OC90: variants seen among roughly 807,000 people sequenced by gnomAD.
The protein encoded by OC90 is otoconin-90.
OC90 carries 46 observed loss-of-function variants against 47.3 expected under a neutral mutation model. The ratio of observed to expected loss-of-function variants is 0.97; its 90% confidence interval spans 0.77 to 1.24. The LOEUF is 1.24. OC90 is among the 50% of genes most tolerant of loss of function. The pLI is 0.00. For synonymous variants in OC90, 271 were observed against 219.5 expected, an observed-to-expected ratio of 1.23 and a Z score of -2.07; for missense variants, 688 against 583.9, an observed-to-expected ratio of 1.18 and a Z score of -1.84.
intron 1 of OC90, among the ~76,000 whole-genome samples, chr8:132,057,323 GT>G (rs1823290357): frequency 6.6e-6 from 1 of 150,730 alleles, no homozygotes; most frequent in Non-Finnish European, 1.5e-5. Context: ...TGTGACACAT[GT>G]TTCAGGGGTG....
chr8:132,029,316 A>G, intron 12 of OC90, 137 bp from the exon 13 acceptor site: 2 of 664,794 alleles, frequency 3.0e-6, no homozygotes, highest in East Asian at 2.7e-5. Context: ...CACAGGGCTG[A>G]CTCATATACA....
intron 13 of OC90, among the ~76,000 whole-genome samples, chr8:132,025,510 G>C (rs913932057): frequency 1.3e-5 from 2 of 152,114 alleles, no homozygotes; most frequent in Non-Finnish European, 2.9e-5. Flanking sequence ...ACCAGCAAAG[G>C]GTGCCTGTGA....
At chr8:132,046,653 G>A (rs1823137745) in intron 2 of OC90, among the ~76,000 whole-genome samples, 1 of 152,192 alleles carries the variant, frequency 6.6e-6, no homozygotes, top group African/African-American at 2.4e-5. Context: ...AGTTCAGAGA[G>A]CTTATAGACT....
At position 132,024,403 on chromosome 8, in the gene OC90, G is replaced by C; in HGVS notation, c.*78C>G. 1 of 1,180,740 alleles carries C rather than the reference G, an allele frequency of 8.5e-7. No individual in the cohort carries two copies. Among genetic ancestry groups the C allele is most frequent in the East Asian group, 2.4e-5 (1 of 41,558 alleles). 73.1% of individuals were successfully genotyped at this position (1,180,740 alleles called of 1,614,324 possible). On this transcript the variant is annotated 3_prime_UTR_variant, in exon 14 of 14. Transcript: ENST00000254627. Reference sequence around the variant, plus strand: ...GAAGGGAAGAAGGCTCCAAGGGACAGAGGAGGCTGAGAGATAAAGAGCTGA... The same window carrying C: ...GAAGGGAAGAAGGCTCCAAGGGACACAGGAGGCTGAGAGATAAAGAGCTGA...
intron 2 of OC90, among the ~76,000 whole-genome samples, chr8:132,054,070 G>A (rs1035633184): frequency 1.3e-5 from 2 of 152,170 alleles, no homozygotes; most frequent in African/African-American, 2.4e-5. Flanking sequence ...ACCTTGCGGA[G>A]CTCCAACTAC....
chr8:132,039,770 C>G (rs950554998), intron 6 of OC90, among the ~76,000 whole-genome samples: 1 of 152,184 alleles, frequency 6.6e-6, no homozygotes, highest in Admixed American at 6.5e-5. Context: ...GTTCCTCTGT[C>G]TGCTTTGCTC....
At chr8:132,032,696 G>T (rs928038611) in intron 11 of OC90, among the ~76,000 whole-genome samples, 17 of 152,198 alleles carry the variant, frequency 1.1e-4, no homozygotes, top group Non-Finnish European at 2.2e-4. Flanking sequence ...GAGACAAAGG[G>T]GGAAGATGTT....
chr8:132,039,884 A>C lies in OC90; in HGVS notation c.458-761T>G, dbSNP rs543322116. ...TTCTTGACCTTCCCATTTAAAGAGAACCCCCCCTTTCCCTCCACAGGCCTT... is the reference window on the plus strand; with the variant it reads ...TTCTTGACCTTCCCATTTAAAGAGACCCCCCCCTTTCCCTCCACAGGCCTT... On this transcript the variant is annotated intron_variant, in intron 6 of 13. Coordinates refer to ENST00000254627, the MANE Select transcript of OC90 (RefSeq NM_001080399.3). Among the ~76,000 whole-genome samples, 4 of 149,358 alleles carry C rather than the reference A, an allele frequency of 2.7e-5. No homozygotes were observed. The East Asian group carries it at 6.0e-4, about 22-fold the overall frequency.
chr8:132,056,075 C>G (rs1823276110), intron 1 of OC90, among the ~76,000 whole-genome samples: 1 of 152,096 alleles, frequency 6.6e-6, no homozygotes, highest in Non-Finnish European at 1.5e-5. Context: ...TCCATACCAC[C>G]CTAGTGGCAC....
intron 2 of OC90, among the ~76,000 whole-genome samples, chr8:132,052,673 G>A (rs1267422271): frequency 6.6e-6 from 1 of 152,212 alleles, no homozygotes; most frequent in African/African-American, 2.4e-5. Flanking sequence ...AGCTTAGGGA[G>A]ATGCATGGTC....
In OC90 at chr8:132,058,848, C is replaced by CG. The variant is rs200712008; in HGVS notation, c.-48+492dup. On this transcript the variant is annotated intron_variant, in intron 1 of 13. Coordinates refer to ENST00000254627, the MANE Select transcript of OC90 (RefSeq NM_001080399.3). ...AATGTGAAGTGGTGGATTTTTCCCC[C>CG]GGGTAAATTTGCCAGGTGCTCTCTG... 6.8e-4 allele frequency among the ~76,000 whole-genome samples: 103 copies of CG among 152,172 alleles called. No homozygotes were observed. The East Asian group carries it at 0.019, about 29-fold the overall frequency.
chr8:132,040,553 G>A (rs748408655), intron 6 of OC90, among the ~76,000 whole-genome samples: 15 of 152,210 alleles, frequency 9.9e-5, no homozygotes, highest in South Asian at 4.2e-4. Flanking sequence ...AACCACCACC[G>A]CACGCCTTAT....
At position 132,033,108 on chromosome 8, in the gene OC90, C is replaced by T. The variant is rs765389757; in HGVS notation, c.790G>A (p.Ala264Thr). 2 of 1,609,056 alleles carry T rather than the reference C, an allele frequency of 1.2e-6. No homozygotes were observed. The change falls in exon 11 of 14, where the codon GCT becomes ACT. Residue 264 changes from alanine to threonine, a missense_variant. Coordinates refer to ENST00000254627, the MANE Select transcript of OC90 (RefSeq NM_001080399.3). ...GCCAGCCCCAGAGATTTAATGCCAGCAGGGACAAGGGTTACAATTTTAGCT... is the reference window on the plus strand; with the variant it reads ...GCCAGCCCCAGAGATTTAATGCCAGTAGGGACAAGGGTTACAATTTTAGCT... ...VTAKIVTLVP[A>T]GIKSLGLAVS... is the part of the protein sequence containing the mutation.
intron 4 of OC90, 79 bp from the exon 5 acceptor site, chr8:132,041,778 T>G: frequency 1.3e-6 from 1 of 774,678 alleles, no homozygotes. Flanking sequence ...GGACTTCCTA[T>G]ACCTCAGGCT....
At chr8:132,055,378 C>T (rs933197080) in intron 1 of OC90, among the ~76,000 whole-genome samples, 2 of 152,162 alleles carry the variant, frequency 1.3e-5, no homozygotes, top group Non-Finnish European at 2.9e-5. Context: ...AGGCCTGCCT[C>T]GTGTCAGGCA....
rs1211589380 is a variant in OC90, at chr8:132,041,104, G to A, written c.397C>T (p.Leu133Phe). Residue 133 changes from leucine to phenylalanine, a missense_variant, in exon 6 of 14, where the codon CTC becomes TTC. By Grantham distance (22) the Leu-to-Phe change is conservative. Transcript: ENST00000254627. ...GTGCTAAGTTTGGCGGGGTCTTGGA[G>A]ACAGTCCATCTCAGCGGCCTCCTCA... ...CYEEAAEMDC[L>F]QDPAKLSTEV... 6.2e-7 allele frequency: 1 copy of A among 1,613,812 alleles called. No individual in the cohort carries two copies. The highest frequency in any genetic ancestry group is 8.5e-7 in the Non-Finnish European group (1 of 1,179,790).
chr8:132,049,521 G>A (rs1214216875), intron 2 of OC90, among the ~76,000 whole-genome samples: 2 of 152,174 alleles, frequency 1.3e-5, no homozygotes, highest in Non-Finnish European at 2.9e-5. Flanking sequence ...GGATATTAGG[G>A]AACAGGAAGG....
chr8:132,034,904 C>G, intron 9 of OC90, 70 bp from the exon 10 acceptor site: 1 of 1,137,984 alleles, frequency 8.8e-7, no homozygotes. Context: ...TCCAGAGGCT[C>G]TTCCCACCCA....
At chr8:132,054,684 A>T (rs1823258086) in intron 2 of OC90, among the ~76,000 whole-genome samples, 1 of 152,268 alleles carries the variant, frequency 6.6e-6, no homozygotes, top group African/African-American at 2.4e-5. Context: ...GTAGGTGTTA[A>T]CATTGGAGAA....
Sources: gnomAD v4.1 joint callset for allele counts (sites outside exome capture counted in the v4.1 genomes callset) on GRCh38, gnomAD v4.1.1 for gene constraint, MANE v1.5 for transcripts, NCBI Gene and HGNC (gene_info 2026-07-23, HGNC 2026-07-21) for gene names.